EPM2A: variants seen among roughly 807,000 people sequenced by gnomAD.
EPM2A encodes the protein laforin.
A neutral mutation model predicts 26.5 loss-of-function variants in EPM2A; 21 were observed. That is an observed-to-expected ratio of 0.79 (90% CI 0.56 to 1.14). The LOEUF (loss-of-function observed/expected upper bound fraction) is 1.14. Ranked by LOEUF, EPM2A falls within the 50% of genes most tolerant of loss-of-function variation. The pLI, the probability that EPM2A is intolerant of heterozygous loss-of-function variation, is 0.00. For synonymous variants in EPM2A, 217 were observed against 177.6 expected, an observed-to-expected ratio of 1.22 and a Z score of -1.76; for missense variants, 458 against 440.8, an observed-to-expected ratio of 1.04 and a Z score of -0.35.
intron 4 of EPM2A, among the ~76,000 whole-genome samples, chr6:145,408,779 C>T (rs1562323800): frequency 6.6e-6 from 1 of 152,066 alleles, no homozygotes. Context: ...GCTGGGAAGT[C>T]CAAGATCAAG....
chr6:145,428,598 A>C (rs929281198), intron 4 of EPM2A, among the ~76,000 whole-genome samples: 3 of 152,224 alleles, frequency 2.0e-5, no homozygotes, highest in African/African-American at 7.2e-5. Context: ...ATTTTCCTTC[A>C]TCTAGAAACG....
intron 2 of EPM2A, among the ~76,000 whole-genome samples, chr6:145,607,046 A>C (rs184689247): frequency 6.6e-6 from 1 of 152,256 alleles, no homozygotes; most frequent in African/African-American, 2.4e-5. Context: ...ATAACCAATC[A>C]AGTATTTTCT....
intron 4 of EPM2A, among the ~76,000 whole-genome samples, chr6:145,415,419 C>T (rs1778694656): frequency 6.6e-6 from 1 of 152,186 alleles, no homozygotes; most frequent in African/African-American, 2.4e-5. Flanking sequence ...CTCTAGCCTT[C>T]CACTACTAAC....
At chr6:145,493,497 T>C (rs888258727) in intron 4 of EPM2A, among the ~76,000 whole-genome samples, 1 of 152,234 alleles carries the variant, frequency 6.6e-6, no homozygotes, top group African/African-American at 2.4e-5. Flanking sequence ...CTTGATTGAT[T>C]GCTCTGGCTA....
intron 2 of EPM2A, among the ~76,000 whole-genome samples, chr6:145,529,432 G>A (rs1780323557): frequency 6.6e-6 from 1 of 152,098 alleles, no homozygotes. Flanking sequence ...TGCTTATTCA[G>A]CAACCATCAA....
chr6:145,407,619 C>T (rs142653116), intron 4 of EPM2A, among the ~76,000 whole-genome samples: 38 of 152,256 alleles, frequency 2.5e-4, no homozygotes, highest in African/African-American at 8.7e-4. Flanking sequence ...ACTAAAATGC[C>T]ATTTAGCAGC....
At chr6:145,401,823 C>A (rs939192122) in intron 4 of EPM2A, among the ~76,000 whole-genome samples, 1 of 151,932 alleles carries the variant, frequency 6.6e-6, no homozygotes, top group African/African-American at 2.4e-5. Flanking sequence ...CCTCAAGTGG[C>A]TAAATCTGGG....
At chr6:145,696,410 T>C (rs1781572093) in intron 1 of EPM2A, among the ~76,000 whole-genome samples, 1 of 152,146 alleles carries the variant, frequency 6.6e-6, no homozygotes, top group Non-Finnish European at 1.5e-5. Flanking sequence ...TGGAAGTAGC[T>C]AAGAGTATAA....
At chr6:145,438,154 T>C (rs928155743) in intron 4 of EPM2A, among the ~76,000 whole-genome samples, 1 of 152,100 alleles carries the variant, frequency 6.6e-6, no homozygotes, top group East Asian at 1.9e-4. Flanking sequence ...TGAAGTCAAA[T>C]CTAAAGAACA....
At chr6:145,416,419 T>C (rs117840703) in intron 4 of EPM2A, among the ~76,000 whole-genome samples, 2,158 of 152,262 alleles carry the variant, frequency 0.014, 38 homozygotes, top group South Asian at 0.069. Flanking sequence ...TTGGTTTGTA[T>C]AGGATTTTAT....
chr6:145,672,690 C>T (rs927897911), intron 2 of EPM2A, among the ~76,000 whole-genome samples: 7 of 152,208 alleles, frequency 4.6e-5, no homozygotes, highest in Non-Finnish European at 1.0e-4. Context: ...ACTGGGGGAA[C>T]CCCGGCACAA....
intron 4 of EPM2A, among the ~76,000 whole-genome samples, chr6:145,436,220 A>G (rs1778986769): frequency 6.6e-6 from 1 of 152,222 alleles, no homozygotes; most frequent in Admixed American, 6.5e-5. Flanking sequence ...GTACAGATAT[A>G]TCACATATTG....
At chr6:145,636,563 T>C (rs1776698717) in intron 2 of EPM2A, 1 of 152,072 alleles carries the variant, frequency 6.6e-6, no homozygotes, top group Non-Finnish European at 1.5e-5. Context: ...GGATCTTCAT[T>C]AGGGAACTGG....
downstream of EPM2A, among the ~76,000 whole-genome samples, chr6:145,622,644 G>A (rs1329480932): frequency 1.3e-5 from 2 of 152,180 alleles, no homozygotes; most frequent in Admixed American, 6.5e-5. Flanking sequence ...ACAAGGTGAT[G>A]CTTCTACAAA....
At chr6:145,620,936 C>T (rs1775619967), downstream of EPM2A, among the ~76,000 whole-genome samples, 1 of 152,154 alleles carries the variant, frequency 6.6e-6, no homozygotes, top group South Asian at 2.1e-4. Flanking sequence ...CATATACCTC[C>T]CTTTTTTATG....
chr6:145,531,994 C>G (rs1047188694), intron 2 of EPM2A, among the ~76,000 whole-genome samples: 2 of 152,168 alleles, frequency 1.3e-5, no homozygotes, highest in African/African-American at 4.8e-5. Flanking sequence ...TAACATACCC[C>G]CAGTGGGGTT....
chr6:145,735,291 C>G lies in EPM2A; in HGVS notation c.208G>C (p.Glu70Gln), dbSNP rs550455609. 323 of 1,484,874 alleles carry G rather than the reference C, an allele frequency of 2.2e-4. 1 individual carries two copies. Among genetic ancestry groups the G allele is most frequent in the Admixed American group, 1.1e-3 (49 of 45,676 alleles). 92.0% of individuals were successfully genotyped at this position (1,484,874 alleles called of 1,614,324 possible). ...WLGEVELAAE[E>Q]AAQDGAEPGR... ...GGCTCCGCCCCGTCCTGCGCCGCCT[C>G]CTCGGCCGCCAGCTCCACCTCCCCG... The change falls in exon 1 of 4, where the codon GAG (glutamate) becomes CAG (glutamine). Residue 70 changes from glutamate to glutamine, a missense_variant. Transcript: ENST00000367519.
rs367642828 is a variant in EPM2A at position 145,661,477 on chromosome 6, G to A, written c.476+24645C>T. The stretch of plus-strand genomic sequence containing the variant: ...ATGCAAGGGAATCCTTTCTGAAAGT[G>A]AAGAACACCTTTGTGATTAAAAACA... On this transcript the variant is annotated intron_variant, in intron 2 of 3. Coordinates refer to ENST00000367519, the MANE Select transcript of EPM2A (RefSeq NM_005670.4). Among the ~76,000 whole-genome samples the A allele has an allele frequency of 1.1e-4, 17 of 152,284 alleles. No homozygotes were observed. The South Asian group carries it at 3.5e-3, about 32-fold the overall frequency.
At chr6:145,620,201 T>C (rs1171065879) in intron 2 of EPM2A, among the ~76,000 whole-genome samples, 3 of 152,310 alleles carry the variant, frequency 2.0e-5, no homozygotes, top group Non-Finnish European at 2.9e-5. Context: ...AGTATGGTTT[T>C]GGGATGACAC....
Sources: allele counts gnomAD v4.1 joint callset (sites outside exome capture counted in the v4.1 genomes callset), GRCh38; gene constraint gnomAD v4.1.1; transcripts MANE v1.5; gene names NCBI Gene and HGNC (gene_info 2026-07-23, HGNC 2026-07-21).